EXT1: variants seen among roughly 807,000 people sequenced by gnomAD.
EXT1 encodes the protein exostosin glycosyltransferase 1, also known as exostosin-1.
Under a neutral mutation model 82.5 loss-of-function variants are expected in EXT1, and 20 were observed. The ratio of observed to expected loss-of-function variants is 0.24; its 90% CI spans 0.17 to 0.35. EXT1 has a LOEUF of 0.35. EXT1 is among the 10% of genes least tolerant of loss of function. The pLI, the probability that EXT1 is intolerant of heterozygous loss-of-function variation, is 1.00. For synonymous variants in EXT1, 348 were observed against 350.8 expected, an observed-to-expected ratio of 0.99 and a Z score of 0.09; for missense variants, 757 against 936.5, an observed-to-expected ratio of 0.81 and a Z score of 2.50.
At chr8:117,977,934 A>C (rs1477663738) in intron 1 of EXT1, among the ~76,000 whole-genome samples, 1 of 152,252 alleles carries the variant, frequency 6.6e-6, no homozygotes, top group Non-Finnish European at 1.5e-5. Context: ...TTTAACAAAA[A>C]TGTAAATAAG....
chr8:117,862,473 G>A (rs1812702045), intron 1 of EXT1, among the ~76,000 whole-genome samples: 1 of 145,532 alleles, frequency 6.9e-6, no homozygotes, highest in Non-Finnish European at 1.5e-5. Flanking sequence ...GAGGAATCAG[G>A]GTTGACCACC....
chr8:117,891,805 CTTTT>C (rs33967253), intron 1 of EXT1, among the ~76,000 whole-genome samples: 1 of 121,072 alleles, frequency 8.3e-6, no homozygotes, highest in Admixed American at 9.5e-5. Flanking sequence ...TTTTTTCTTG[CTTTT>C]TTTTTTTTTT....
intron 1 of EXT1, among the ~76,000 whole-genome samples, chr8:117,861,146 A>T (rs1229067133): frequency 6.6e-6 from 1 of 152,192 alleles, no homozygotes; most frequent in Non-Finnish European, 1.5e-5. Flanking sequence ...GAGACTACAG[A>T]CATCTACGTC....
chr8:117,822,413 T>C, intron 5 of EXT1, 52 bp downstream of exon 5: 1 of 1,602,392 alleles, frequency 6.2e-7, no homozygotes. Flanking sequence ...TTTAGTTCTG[T>C]ATGACATCTT....
chr8:117,918,735 C>A (rs1344471407), intron 1 of EXT1, among the ~76,000 whole-genome samples: 1 of 152,176 alleles, frequency 6.6e-6, no homozygotes, highest in African/African-American at 2.4e-5. Flanking sequence ...CCGAATGCAG[C>A]CACAGGAGTG....
rs538552198 is a variant in EXT1 at position 118,027,173 on chromosome 8, G to A, written c.962+82912C>T. ...AAATTGCAAGCACTACTCAGGGTTAGTGTTTTGAAAGAAACTCAAGTACAC... is the reference window on the plus strand; with the variant it reads ...AAATTGCAAGCACTACTCAGGGTTAATGTTTTGAAAGAAACTCAAGTACAC... On this transcript the variant is annotated intron_variant, in intron 1 of 10. Transcript: ENST00000378204. 7.1e-4 allele frequency among the ~76,000 whole-genome samples: 108 copies of A among 152,280 alleles called. 2 individuals are homozygous for A. Among genetic ancestry groups the A allele is most frequent in the African/African-American group, 2.4e-3 (100 of 41,558 alleles).
At chr8:117,977,374 A>G (rs560984537) in intron 1 of EXT1, among the ~76,000 whole-genome samples, 104 of 142,410 alleles carry the variant, frequency 7.3e-4, no homozygotes, top group African/African-American at 2.7e-3. Flanking sequence ...GCAATAGAGC[A>G]AGACTCTGTC....
intron 1 of EXT1, among the ~76,000 whole-genome samples, chr8:117,879,915 T>C (rs1231824096): frequency 1.3e-5 from 2 of 152,218 alleles, no homozygotes; most frequent in African/African-American, 2.4e-5. Context: ...GTCTTTCAAC[T>C]TTTCTACATG....
chr8:118,005,447 C>T (rs555830959), intron 1 of EXT1, among the ~76,000 whole-genome samples: 115 of 152,300 alleles, frequency 7.6e-4, no homozygotes, highest in African/African-American at 2.6e-3. Flanking sequence ...GTAGCTAATA[C>T]CTATGCACTA....
intron 1 of EXT1, among the ~76,000 whole-genome samples, chr8:118,071,188 T>C (rs938394364): frequency 7.2e-5 from 11 of 152,198 alleles, no homozygotes; most frequent in Non-Finnish European, 1.5e-4. Context: ...CATTTTGCAG[T>C]GTCTGTCAGC....
chr8:118,039,717 A>C (rs1816493884), intron 1 of EXT1, among the ~76,000 whole-genome samples: 1 of 152,190 alleles, frequency 6.6e-6, no homozygotes, highest in Non-Finnish European at 1.5e-5. Context: ...TCATGAATTC[A>C]TAATTCATAA....
At chr8:118,100,704 C>T (rs1419542545) in intron 1 of EXT1, among the ~76,000 whole-genome samples, 1 of 152,006 alleles carries the variant, frequency 6.6e-6, no homozygotes, top group Admixed American at 6.6e-5. Context: ...TGAGATCGCG[C>T]CACTGCACTC....
chr8:117,978,401 G>A (rs1815112550), intron 1 of EXT1, among the ~76,000 whole-genome samples: 2 of 152,288 alleles, frequency 1.3e-5, no homozygotes, highest in South Asian at 4.1e-4. Flanking sequence ...TCCATCTGCA[G>A]GCTTTCTTCA....
chr8:118,013,201 TTTGTTGTTG>T (rs899380061), intron 1 of EXT1, among the ~76,000 whole-genome samples: 1 of 151,842 alleles, frequency 6.6e-6, no homozygotes, highest in African/African-American at 2.4e-5. Flanking sequence ...ACCTGGCTAC[TTTGTTGTTG>T]TTGTTGTTGC....
intron 9 of EXT1, among the ~76,000 whole-genome samples, 164 bp from the exon 10 acceptor site, chr8:117,805,057 T>A (rs1823217849): frequency 6.6e-6 from 1 of 152,188 alleles, no homozygotes; most frequent in African/African-American, 2.4e-5. Context: ...CTATGGTACT[T>A]GTTATATACC....
At chr8:117,834,904 G>A (rs960907413) in intron 3 of EXT1, among the ~76,000 whole-genome samples, 4 of 151,808 alleles carry the variant, frequency 2.6e-5, no homozygotes, top group African/African-American at 4.8e-5. Context: ...TCTGAGTATC[G>A]TATCCCCCTC....
rs1282354759 is a variant in EXT1 at position 118,111,008 on chromosome 8, A to G, written c.39T>C (p.Ala13=). The G allele has an allele frequency of 1.2e-6, 2 of 1,604,258 alleles. No homozygotes were observed. The highest frequency in any genetic ancestry group is 1.7e-6 in the Non-Finnish European group (2 of 1,179,686). The stretch of plus-strand genomic sequence containing the variant: ...AAAACAAAAGGGCGAGACAAGAGCC[A>G]GCTGAGAGCAGGATGAAATAGCGTT... ...AKKRYFILLS[A]GSCLALLFYF... is the part of the protein sequence containing the mutation. The change falls in exon 1 of 11, where the codon GCT becomes GCC. Residue 13 remains alanine (A), a synonymous_variant. Coordinates refer to ENST00000378204, the MANE Select transcript of EXT1 (RefSeq NM_000127.3).
At chr8:117,853,266 C>T (rs924464831) in intron 1 of EXT1, among the ~76,000 whole-genome samples, 6 of 152,268 alleles carry the variant, frequency 3.9e-5, no homozygotes, top group Non-Finnish European at 8.8e-5. Context: ...TGTCTGAGGC[C>T]GGGCATGGTG....
At chr8:117,926,835 C>A (rs927346481) in intron 1 of EXT1, among the ~76,000 whole-genome samples, 3 of 152,146 alleles carry the variant, frequency 2.0e-5, no homozygotes, top group African/African-American at 7.2e-5. Flanking sequence ...CCTGGAGAGT[C>A]CAGGTTATTG....
Sources: gnomAD v4.1 joint callset for allele counts (sites outside exome capture counted in the v4.1 genomes callset) on GRCh38, gnomAD v4.1.1 for gene constraint, MANE v1.5 for transcripts, NCBI Gene and HGNC (gene_info 2026-07-23, HGNC 2026-07-21) for gene names.